The following TEX11 variants were observed in gnomAD, a reference collection of about 807,000 sequenced individuals.
TEX11 encodes testis-expressed protein 11.
TEX11 carries 7 observed loss-of-function variants against 84.4 expected under a neutral mutation model. The ratio of observed to expected loss-of-function variants is 0.08; its 90% confidence interval spans 0.05 to 0.16. The LOEUF is 0.16. Among genes scored for constraint, TEX11 ranks in the 10% least tolerant of loss-of-function variants. TEX11 has a pLI of 1.00. For missense variants in TEX11, 551 were observed against 660.5 expected (o/e 0.83, Z 1.82); for synonymous variants, 264 against 222.8 (o/e 1.18, Z -1.64).
chrX:70,764,068 A>G (rs1487890140), intron 9 of TEX11, among the ~76,000 whole-genome samples: 1 of 112,269 alleles, frequency 8.9e-6, no homozygotes, highest in Non-Finnish European at 1.9e-5. Flanking sequence ...ATTCTCAAAG[A>G]CAGACCAAAT....
chrX:70,791,381 A>C (rs186573946), intron 9 of TEX11, among the ~76,000 whole-genome samples: 1 of 112,228 alleles, frequency 8.9e-6, no homozygotes, highest in African/African-American at 3.2e-5. Flanking sequence ...TTCTAGACCT[A>C]TGAATAGCCT....
At chrX:70,517,673 A>AT in the TEX11 span, among the ~76,000 whole-genome samples, 2 of 111,242 alleles carry the variant, frequency 1.8e-5, no homozygotes, top group South Asian at 7.6e-4. Flanking sequence ...TTTTCTATTG[A>AT]TTGGAATAGT....
At chrX:70,700,061 C>G (rs1249278339) in intron 13 of TEX11, among the ~76,000 whole-genome samples, 1 of 111,286 alleles carries the variant, frequency 9.0e-6, no homozygotes, top group Admixed American at 9.6e-5. Flanking sequence ...AACAGGCATA[C>G]TTCATTTTAT....
chrX:70,645,988 G>A lies in TEX11; in HGVS notation c.1483+5462C>T, dbSNP rs946703065. On this transcript the variant is annotated intron_variant, in intron 17 of 29. Coordinates refer to ENST00000374333, the MANE Select transcript of TEX11 (RefSeq NM_031276.3). ...CGCAATCTTGAGCAAAAATAAGAAAGCTGAAGTCACCATACTATGTGAAGT... is the reference window on the plus strand; with the variant it reads ...CGCAATCTTGAGCAAAAATAAGAAAACTGAAGTCACCATACTATGTGAAGT... Among the ~76,000 whole-genome samples the A allele has an allele frequency of 3.4e-4, 38 of 110,800 alleles. 1 individual carries two copies. Among genetic ancestry groups the A allele is most frequent in the African/African-American group, 1.1e-3 (34 of 30,566 alleles).
intron 8 of TEX11, among the ~76,000 whole-genome samples, chrX:70,811,174 C>G (rs193082601): frequency 3.6e-5 from 4 of 109,666 alleles, no homozygotes; most frequent in Non-Finnish European, 7.6e-5. Context: ...ATCCCTCCCC[C>G]CTGCCCCCAC....
At chrX:70,615,397 A>C (rs2089306934) in intron 20 of TEX11, among the ~76,000 whole-genome samples, 2 of 112,176 alleles carry the variant, frequency 1.8e-5, no homozygotes, top group South Asian at 3.7e-4. Context: ...GCAATTGAAG[A>C]ATATATCAGA....
chrX:70,609,036 C>T, intron 22 of TEX11, 55 bp downstream of exon 22: 2 of 958,218 alleles, frequency 2.1e-6, no homozygotes, highest in South Asian at 4.8e-5. Flanking sequence ...GAAATCACAT[C>T]TGTCTAATTC....
intron 9 of TEX11, among the ~76,000 whole-genome samples, chrX:70,765,502 A>T (rs2090933817): frequency 8.9e-6 from 1 of 112,297 alleles, no homozygotes; most frequent in Non-Finnish European, 1.9e-5. Context: ...AATCAATGTG[A>T]TACATCATAT....
intron 3 of TEX11, among the ~76,000 whole-genome samples, chrX:70,878,199 G>A (rs2091665262): frequency 1.1e-5 from 1 of 87,837 alleles, no homozygotes; most frequent in Non-Finnish European, 2.2e-5. Context: ...TTGAGACGGA[G>A]TCTCGCTCTG....
chrX:70,838,770 C>A (rs903357891), intron 7 of TEX11, among the ~76,000 whole-genome samples: 1 of 112,035 alleles, frequency 8.9e-6, no homozygotes, highest in African/African-American at 3.2e-5. Context: ...CCTGGAAAAT[C>A]GGGTCACTCC....
intron 16 of TEX11, 137 bp downstream of exon 16, chrX:70,670,240 C>T (rs981717991): frequency 6.3e-6 from 4 of 635,925 alleles, no homozygotes; most frequent in African/African-American, 2.3e-5. Flanking sequence ...AAGAAAATGT[C>T]AATTTGACCT....
At chrX:70,832,887 TTC>T (rs199708892) in intron 8 of TEX11, among the ~76,000 whole-genome samples, 3,986 of 112,100 alleles carry the variant, frequency 0.036, 170 homozygotes, top group African/African-American at 0.12. Context: ...ACTCATTTTT[TTC>T]TTTCTTTTGT....
intron 16 of TEX11, among the ~76,000 whole-genome samples, chrX:70,652,118 C>A (rs928058992): frequency 9.0e-6 from 1 of 110,958 alleles, no homozygotes; most frequent in Non-Finnish European, 1.9e-5. Context: ...TAGAAGGCAG[C>A]ACAATGGGGT....
downstream of TEX11, among the ~76,000 whole-genome samples, chrX:70,526,754 G>A (rs777781536): frequency 9.0e-6 from 1 of 110,633 alleles, no homozygotes; most frequent in East Asian, 2.8e-4. Context: ...TACACCTCTA[G>A]GACCCAGATC....
chrX:70,524,577 G>C (rs756060064), downstream of TEX11, among the ~76,000 whole-genome samples: 10 of 112,337 alleles, frequency 8.9e-5, no homozygotes, highest in Admixed American at 3.8e-4. Context: ...GTTGTTGTTT[G>C]TTTTTTTGAG....
At chrX:70,732,115 A>G (rs1412791804) in intron 11 of TEX11, among the ~76,000 whole-genome samples, 6 of 111,882 alleles carry the variant, frequency 5.4e-5, no homozygotes, top group Non-Finnish European at 1.1e-4. Flanking sequence ...CCTTCATGCT[A>G]AAAACTCTGA....
At chrX:70,537,177 T>A (rs1042886198) in intron 28 of TEX11, among the ~76,000 whole-genome samples, 1 of 111,863 alleles carries the variant, frequency 8.9e-6, no homozygotes. Flanking sequence ...ATGCCCTTGA[T>A]CTTCTCAACT....
chrX:70,736,260 A>C (rs918413809), intron 11 of TEX11, among the ~76,000 whole-genome samples: 1 of 111,527 alleles, frequency 9.0e-6, no homozygotes, highest in South Asian at 3.7e-4. Flanking sequence ...AGGCATACCA[A>C]ATTTTAATTT....
At chrX:70,630,319 A>G (rs1256389670) in intron 17 of TEX11, among the ~76,000 whole-genome samples, 2 of 109,548 alleles carry the variant, frequency 1.8e-5, no homozygotes, top group African/African-American at 6.6e-5. Context: ...CTCAGAAAAA[A>G]AAAAAAAAAA....
Sources: allele counts gnomAD v4.1 joint callset (sites outside exome capture counted in the v4.1 genomes callset), GRCh38; gene constraint gnomAD v4.1.1; transcripts MANE v1.5; gene names NCBI Gene and HGNC (gene_info 2026-07-23, HGNC 2026-07-21).